DLGAP1: variants seen among roughly 807,000 people sequenced by gnomAD.
DLGAP1 encodes the protein disks large-associated protein 1.
DLGAP1 carries 11 observed loss-of-function variants against 90.8 expected under a neutral mutation model. That is an observed-to-expected ratio of 0.12 (90% CI 0.08 to 0.20). The LOEUF is 0.20. DLGAP1 is among the 10% of genes least tolerant of loss of function. The pLI, the probability that DLGAP1 is intolerant of heterozygous loss-of-function variation, is 1.00. For synonymous variants in DLGAP1, 558 were observed against 540.7 expected (o/e 1.03, Z -0.44); for missense variants, 1,050 against 1,333.8 (o/e 0.79, Z 3.31).
chr18:3,982,200 C>T (rs2073745867), intron 3 of DLGAP1, among the ~76,000 whole-genome samples: 1 of 152,164 alleles, frequency 6.6e-6, no homozygotes, highest in Non-Finnish European at 1.5e-5. Context: ...GCAAAGCATA[C>T]AGGATCTTAA....
intron 1 of DLGAP1, among the ~76,000 whole-genome samples, chr18:4,436,482 C>T (rs540793778): frequency 6.6e-6 from 1 of 152,092 alleles, no homozygotes; most frequent in Admixed American, 6.5e-5. Context: ...TGGTCCAGAA[C>T]CCATACTTTG....
intron 2 of DLGAP1, among the ~76,000 whole-genome samples, chr18:4,054,277 C>T (rs1364503450): frequency 1.3e-5 from 2 of 152,168 alleles, no homozygotes; most frequent in Admixed American, 1.3e-4. Context: ...GAAAAACACC[C>T]CCAAATCTCC....
intron 2 of DLGAP1, among the ~76,000 whole-genome samples, chr18:4,118,893 T>C (rs1383766318): frequency 6.6e-6 from 1 of 152,194 alleles, no homozygotes; most frequent in East Asian, 1.9e-4. Flanking sequence ...GCTTTCCTCC[T>C]GATAAATGGA....
chr18:3,668,609 A>G (rs2059965339), intron 7 of DLGAP1, among the ~76,000 whole-genome samples: 3 of 152,186 alleles, frequency 2.0e-5, no homozygotes, highest in Non-Finnish European at 4.4e-5. Flanking sequence ...TGCAAAAAAA[A>G]ATCTCTGCTC....
At chr18:3,716,558 A>G (rs2061768433) in intron 7 of DLGAP1, among the ~76,000 whole-genome samples, 1 of 152,034 alleles carries the variant, frequency 6.6e-6, no homozygotes, top group Non-Finnish European at 1.5e-5. Context: ...CTTTTATTAT[A>G]AAAGCGAAAC....
intron 7 of DLGAP1, among the ~76,000 whole-genome samples, chr18:3,609,795 C>T (rs57498187): frequency 0.31 from 46,267 of 150,450 alleles, 7,463 homozygotes; most frequent in Non-Finnish European, 0.34. Flanking sequence ...CGGTGGCTCA[C>T]GCCTTTAATC....
chr18:4,371,695 TCA>T (rs1415115383), intron 1 of DLGAP1, among the ~76,000 whole-genome samples: 1 of 152,222 alleles, frequency 6.6e-6, no homozygotes, highest in Non-Finnish European at 1.5e-5. Flanking sequence ...TATGAAGATT[TCA>T]CACAGAGAGT....
rs1411912288 is a variant in DLGAP1, at chr18:3,691,319, T to C, written c.1591+37816A>G. Among the ~76,000 whole-genome samples the C allele has an allele frequency of 7.3e-5, 11 of 151,580 alleles. No homozygotes were observed. The South Asian group carries it at 2.1e-3, about 29-fold the overall frequency. On this transcript the variant is annotated intron_variant, in intron 7 of 12. Coordinates refer to ENST00000315677, the MANE Select transcript of DLGAP1 (RefSeq NM_004746.4). ...GGTGAACATCTGTAATCCTAGCTAC[T>C]GGGGAGGCTGAGGCAGAAGAATCCC... is the stretch of plus-strand genomic sequence containing the variant.
At chr18:4,435,377 A>G (rs2083378348) in intron 1 of DLGAP1, among the ~76,000 whole-genome samples, 3 of 152,244 alleles carry the variant, frequency 2.0e-5, no homozygotes, top group African/African-American at 7.2e-5. Flanking sequence ...ATATAGTCAC[A>G]TAAAAATACT....
intron 9 of DLGAP1, among the ~76,000 whole-genome samples, chr18:3,553,995 A>C (rs1392855633): frequency 6.6e-6 from 1 of 152,158 alleles, no homozygotes; most frequent in Non-Finnish European, 1.5e-5. Context: ...AGAGTCACTA[A>C]TGGGCTAATG....
intron 7 of DLGAP1, among the ~76,000 whole-genome samples, chr18:3,714,850 G>A (rs1424949324): frequency 1.3e-5 from 2 of 152,020 alleles, no homozygotes; most frequent in African/African-American, 4.8e-5. Context: ...TGGCCAGGCT[G>A]GTCTCGAACT....
intron 3 of DLGAP1, among the ~76,000 whole-genome samples, chr18:3,992,782 C>A (rs1352714864): frequency 6.6e-6 from 1 of 152,112 alleles, no homozygotes; most frequent in Non-Finnish European, 1.5e-5. Flanking sequence ...CAAATACTTT[C>A]AAAAAGAATT....
intron 5 of DLGAP1, among the ~76,000 whole-genome samples, chr18:3,785,693 A>C (rs1043363258): frequency 6.6e-6 from 1 of 152,192 alleles, no homozygotes; most frequent in African/African-American, 2.4e-5. Context: ...TTGCATCCTC[A>C]GTGTTCTTTT....
intron 4 of DLGAP1, among the ~76,000 whole-genome samples, chr18:3,836,153 G>A (rs916669671): frequency 6.6e-6 from 1 of 152,158 alleles, no homozygotes; most frequent in Non-Finnish European, 1.5e-5. Flanking sequence ...ACAGGAGAAC[G>A]ATAGTCAATT....
chr18:3,889,954 C>G (rs1599113761), intron 3 of DLGAP1, among the ~76,000 whole-genome samples: 1 of 152,318 alleles, frequency 6.6e-6, no homozygotes, highest in East Asian at 1.9e-4. Flanking sequence ...AAGAAACAGA[C>G]AGAAGCTGCC....
rs1237838371 is a variant in DLGAP1, at chr18:3,874,340, T to C, written c.957+4772A>G. ...CCACTTCTACCGCGGAGAGAGCGTT[T>C]TGTTTCCCTTTTCCTGTTTCTACGG... On this transcript the variant is annotated intron_variant, in intron 4 of 12. Coordinates refer to ENST00000315677, the MANE Select transcript of DLGAP1 (RefSeq NM_004746.4). The C allele has an allele frequency of 5.9e-6, 9 of 1,515,324 alleles. No homozygotes were observed. In the East Asian group the frequency reaches 9.9e-5, roughly 17 times the overall value. The allele number at this position is 1,515,324 out of a possible 1,614,324, so 93.9% of individuals were successfully genotyped here.
chr18:4,391,706 T>G (rs1337582652), intron 1 of DLGAP1, among the ~76,000 whole-genome samples: 1 of 111,928 alleles, frequency 8.9e-6, no homozygotes, highest in East Asian at 2.5e-4. Flanking sequence ...ACTTTTATTT[T>G]GCCTCTTGGT....
At chr18:3,863,662 A>T (rs2070218088) in intron 4 of DLGAP1, among the ~76,000 whole-genome samples, 1 of 152,160 alleles carries the variant, frequency 6.6e-6, no homozygotes. Flanking sequence ...GAGTGCATGG[A>T]TGCGATGTGA....
intron 4 of DLGAP1, among the ~76,000 whole-genome samples, chr18:3,831,831 T>C (rs1414439277): frequency 1.3e-5 from 2 of 152,204 alleles, no homozygotes; most frequent in East Asian, 1.9e-4. Flanking sequence ...TATATCAACA[T>C]GTAGAAGACA....
Sources: gnomAD v4.1 joint callset for allele counts (sites outside exome capture counted in the v4.1 genomes callset) on GRCh38, gnomAD v4.1.1 for gene constraint, MANE v1.5 for transcripts, NCBI Gene and HGNC (gene_info 2026-07-23, HGNC 2026-07-21) for gene names.